The following PEX11A variants were observed in gnomAD, a reference collection of about 807,000 sequenced individuals.
PEX11A encodes the protein peroxisomal membrane protein 11A.
PEX11A carries 13 observed loss-of-function variants against 14.4 expected under a neutral mutation model. That is an observed-to-expected ratio of 0.90 (90% CI 0.59 to 1.43). PEX11A has a LOEUF of 1.43. Among genes scored for constraint, PEX11A ranks in the 40% most tolerant of loss-of-function variants. The probability of loss-of-function intolerance (pLI) is 0.00; values close to 1 mark genes in which losing one functional copy is unlikely to be tolerated. For synonymous variants in PEX11A, 101 were observed against 113.0 expected (o/e 0.89, Z 0.67); for missense variants, 290 against 302.8 (o/e 0.96, Z 0.31).
intron 1 of PEX11A, among the ~76,000 whole-genome samples, chr15:89,686,985 T>G (rs1369720583): frequency 6.6e-6 from 1 of 152,046 alleles, no homozygotes; most frequent in East Asian, 1.9e-4. Flanking sequence ...TGCTGTGGTG[T>G]GATCTTGGCT....
chr15:89,689,034 C>T (rs569176145), intron 1 of PEX11A, among the ~76,000 whole-genome samples: 1 of 152,168 alleles, frequency 6.6e-6, no homozygotes, highest in South Asian at 2.1e-4. Context: ...TTTTTTTAAC[C>T]AACTTCCTTG....
At chr15:89,684,747 G>A (rs1964652380) in intron 2 of PEX11A, among the ~76,000 whole-genome samples, 2 of 152,166 alleles carry the variant, frequency 1.3e-5, no homozygotes, top group African/African-American at 4.8e-5. Flanking sequence ...AATCAGGGAT[G>A]CATCAATCAA....
rs1417091800 is a variant in PEX11A at position 89,681,679 on chromosome 15, C to T, written c.*1698G>A. ...TCCCTAAATTTTATTTCTCAAATCC[C>T]ATATCGTGATTGGTTAAACAGACAG... is the stretch of plus-strand genomic sequence containing the variant. On this transcript the variant is annotated 3_prime_UTR_variant, in exon 3 of 3. Transcript: ENST00000300056. 1 of 537,096 alleles carries T rather than the reference C, an allele frequency of 1.9e-6. No homozygotes were observed. The highest frequency in any genetic ancestry group is 3.3e-6 in the Non-Finnish European group (1 of 302,676). The allele number at this position is 537,096 out of a possible 1,614,324, so 33.3% of individuals were successfully genotyped here. A position where few individuals can be genotyped will look rare whatever the true frequency, so the allele number is the denominator to read the frequency against.
chr15:89,690,535 T>A, intron 1 of PEX11A, 42 bp downstream of exon 1: 4 of 1,489,828 alleles, frequency 2.7e-6, no homozygotes, highest in Non-Finnish European at 3.7e-6. Context: ...GGGAGCCGAG[T>A]TAGGGCGAGA....
At chr15:89,688,406 T>C (rs918148946) in intron 1 of PEX11A, among the ~76,000 whole-genome samples, 42 of 152,314 alleles carry the variant, frequency 2.8e-4, no homozygotes, top group African/African-American at 9.6e-4. Flanking sequence ...TTATTATTAT[T>C]TTTCGAGACA....
chr15:89,686,521 G>A lies in PEX11A; in HGVS notation c.82C>T (p.Leu28Phe). 1 of 1,586,494 alleles carries A rather than the reference G, an allele frequency of 6.3e-7. No individual in the cohort carries two copies. The highest frequency in any genetic ancestry group is 8.7e-7 in the Non-Finnish European group (1 of 1,155,434). Reference sequence around the variant, plus strand: ...GCTTTGGGCTCTAACAAATATCTAAGCAACATGCATGTGTACTGAGTGGCT... The same window carrying A: ...GCTTTGGGCTCTAACAAATATCTAAACAACATGCATGTGTACTGAGTGGCT... ...FRATQYTCML[L>F]RYLLEPKAGK... Residue 28 changes from leucine (L) to phenylalanine (F), a missense_variant, in exon 2 of 3, where the codon CTT (leucine) becomes TTT (phenylalanine). By Grantham distance (22) the Leu-to-Phe change is conservative. Coordinates refer to ENST00000300056, the MANE Select transcript of PEX11A (RefSeq NM_003847.3).
chr15:89,686,265 C>T (rs2141550708), intron 2 of PEX11A, among the ~76,000 whole-genome samples, 166 bp downstream of exon 2: 1 of 152,326 alleles, frequency 6.6e-6, no homozygotes, highest in Admixed American at 6.5e-5. Flanking sequence ...TCTGCAGCAA[C>T]ACATTCAAAC....
At chr15:89,684,051 G>T in intron 2 of PEX11A, 103 bp from the exon 3 acceptor site, 2 of 806,040 alleles carry the variant, frequency 2.5e-6, no homozygotes, top group South Asian at 1.7e-5. Flanking sequence ...GTTGTTTTTT[G>T]TTGAGACAGG....
intron 2 of PEX11A, 136 bp from the exon 3 acceptor site, chr15:89,684,084 G>A: frequency 1.6e-6 from 1 of 624,680 alleles, no homozygotes; most frequent in Non-Finnish European, 2.8e-6. Flanking sequence ...CACACCGGCT[G>A]GAGTGCAGCG....
rs566347655 is a variant in PEX11A at position 89,683,736 on chromosome 15, A to C, written c.385T>G (p.Tyr129Asp). The C allele has an allele frequency of 6.2e-7, 1 of 1,613,988 alleles. No individual in the cohort carries two copies. The highest frequency in any genetic ancestry group is 1.3e-5 in the African/African-American group (1 of 75,048). Residue 129 changes from tyrosine (Y) to aspartate (D), a missense_variant, in exon 3 of 3, where the codon TAT (tyrosine) becomes GAT (aspartate). Tyr to Asp is a radical substitution (Grantham distance 160, BLOSUM62 -3). Coordinates refer to ENST00000300056, the MANE Select transcript of PEX11A (RefSeq NM_003847.3). Reference sequence around the variant, plus strand: ...CTGACCAGGCTCAGCAGAAGAGAATAGTAGTAGTGGTGAGCAGCCCTCGTT... The same window carrying C: ...CTGACCAGGCTCAGCAGAAGAGAATCGTAGTAGTGGTGAGCAGCCCTCGTT... ...WRTRAAHHYYYSLLLSLVRDL... is the reference protein window; with the variant it reads ...WRTRAAHHYYDSLLLSLVRDL...
In PEX11A at chr15:89,681,644, C is replaced by A; in HGVS notation, c.*1733G>T. 1.7e-6 allele frequency: 1 copy of A among 578,204 alleles called. No individual in the cohort carries two copies. Among genetic ancestry groups the A allele is most frequent in the Non-Finnish European group, 3.1e-6 (1 of 322,996 alleles). 35.8% of individuals were successfully genotyped at this position (578,204 alleles called of 1,614,324 possible). A position where few individuals can be genotyped will look rare whatever the true frequency, so the allele number is the denominator to read the frequency against. On this transcript the variant is annotated 3_prime_UTR_variant, in exon 3 of 3. Coordinates refer to ENST00000300056, the MANE Select transcript of PEX11A (RefSeq NM_003847.3). Reference sequence around the variant, plus strand: ...TTCCCTGACCTAGTAGCTTTCATGTCTCTTAAAATTCCCTAAATTTTATTT... The same window carrying A: ...TTCCCTGACCTAGTAGCTTTCATGTATCTTAAAATTCCCTAAATTTTATTT...
At position 89,682,618 on chromosome 15, in the gene PEX11A, G is replaced by C. The variant is rs1340372697; in HGVS notation, c.*759C>G. 1 of 152,242 alleles carries C rather than the reference G, an allele frequency of 6.6e-6. No homozygotes were observed. Among genetic ancestry groups the C allele is most frequent in the Non-Finnish European group, 1.5e-5 (1 of 68,060 alleles). 9.4% of individuals were successfully genotyped at this position (152,242 alleles called of 1,614,324 possible). ...TGAAGACAGTGGGAGAGCATGGAGA[G>C]AACACTGGATTAGGAGTCAGAGGAA... On this transcript the variant is annotated 3_prime_UTR_variant, in exon 3 of 3. Transcript: ENST00000300056.
chr15:89,686,923 G>GT (rs536000290), intron 1 of PEX11A, among the ~76,000 whole-genome samples: 2,770 of 147,800 alleles, frequency 0.019, 38 homozygotes, highest in South Asian at 0.06. Context: ...TTCTTTCTTT[G>GT]TTTTTTTTTT....
intron 2 of PEX11A, 143 bp downstream of exon 2, chr15:89,686,288 G>T: frequency 1.7e-6 from 1 of 588,964 alleles, no homozygotes; most frequent in South Asian, 2.1e-5. Flanking sequence ...GTTGTGCCAT[G>T]AGGACAGCCT....
In PEX11A at chr15:89,686,477, T is replaced by C. The variant is rs1177169519; in HGVS notation, c.126A>G (p.Val42=). 5 of 1,605,322 alleles carry C rather than the reference T, an allele frequency of 3.1e-6. No individual in the cohort carries two copies. Among genetic ancestry groups the C allele is most frequent in the African/African-American group, 1.3e-5 (1 of 74,738 alleles). Residue 42 remains valine, a synonymous_variant, in exon 2 of 3, where the codon GTA becomes GTG. Transcript: ENST00000300056. The part of the protein sequence containing the change: ...LEPKAGKEKV[V]MKLKKLESSV... ...TGGACTCCAGTTTCTTGAGCTTCAT[T>C]ACCACCTTCTCTTTGCCAGCTTTGG...
chr15:89,683,834 T>C lies in PEX11A; in HGVS notation c.287A>G (p.Tyr96Cys), dbSNP rs1964636594. 2 of 1,614,002 alleles carry C rather than the reference T, an allele frequency of 1.2e-6. No homozygotes were observed. Among genetic ancestry groups the C allele is most frequent in the Admixed American group, 3.3e-5 (2 of 60,016 alleles). The change falls in exon 3 of 3, where the codon TAT becomes TGT. Residue 96 changes from tyrosine to cysteine, a missense_variant. Transcript: ENST00000300056. ...LTLANLNRVI[Y>C]FICDTILWVR... Reference sequence around the variant, plus strand: ...CCAGAGGATGGTGTCACAGATGAAATAAATCACACGGTTCAGGTTGGCTAA... The same window carrying C: ...CCAGAGGATGGTGTCACAGATGAAACAAATCACACGGTTCAGGTTGGCTAA...
At chr15:89,687,112 C>T (rs892128882) in intron 1 of PEX11A, among the ~76,000 whole-genome samples, 3 of 152,004 alleles carry the variant, frequency 2.0e-5, no homozygotes, top group South Asian at 2.1e-4. Flanking sequence ...TTAATAGACA[C>T]GGGGTTGTGC....
In PEX11A at chr15:89,690,666, G is replaced by A. The variant is rs1170137470; in HGVS notation, c.-34C>T. On this transcript the variant is annotated 5_prime_UTR_variant, in exon 1 of 3. Transcript: ENST00000300056. ...GCCCAAAGGCCACGAGTCGCACGGG[G>A]CTCAGGCGTGGGTCCTCTGGGGCCC... 2 of 1,523,248 alleles carry A rather than the reference G, an allele frequency of 1.3e-6. No homozygotes were observed. Among genetic ancestry groups the A allele is most frequent in the African/African-American group, 1.4e-5 (1 of 72,462 alleles). 94.4% of individuals were successfully genotyped at this position (1,523,248 alleles called of 1,614,324 possible).
chr15:89,681,793 T>G lies in PEX11A; in HGVS notation c.*1584A>C. On this transcript the variant is annotated 3_prime_UTR_variant, in exon 3 of 3. Transcript: ENST00000300056. ...GTACATATTTATTTTCTCATTTCCA[T>G]TCAGATAAATGACACAGCTTTGCTG... 2.7e-6 allele frequency: 1 copy of G among 366,454 alleles called. No individual in the cohort carries two copies. The highest frequency in any genetic ancestry group is 4.9e-6 in the Non-Finnish European group (1 of 202,324). The allele number at this position is 366,454 out of a possible 1,614,324, so 22.7% of individuals were successfully genotyped here.
Sources: allele counts gnomAD v4.1 joint callset (sites outside exome capture counted in the v4.1 genomes callset), GRCh38; gene constraint gnomAD v4.1.1; transcripts MANE v1.5; gene names NCBI Gene and HGNC (gene_info 2026-07-23, HGNC 2026-07-21).